The following SCHIP1 variants were observed in gnomAD, a reference collection of about 807,000 sequenced individuals.
SCHIP1 encodes the protein schwannomin-interacting protein 1.
SCHIP1 carries 8 observed loss-of-function variants against 29.7 expected under a neutral mutation model. The observed-to-expected ratio is 0.27, with a 90% CI of 0.16 to 0.49. SCHIP1 has a LOEUF of 0.49. Ranked by LOEUF, SCHIP1 falls within the 20% of genes least tolerant of loss-of-function variation. The probability of loss-of-function intolerance (pLI) is 0.99; values close to 1 mark genes in which losing one functional copy is unlikely to be tolerated. For missense variants in SCHIP1, 193 were observed against 294.6 expected (o/e 0.66, Z 2.52); for synonymous variants, 76 against 94.9 (o/e 0.80, Z 1.16).
the SCHIP1 span, among the ~76,000 whole-genome samples, chr3:159,439,326 C>T: frequency 6.6e-6 from 1 of 152,126 alleles, no homozygotes; most frequent in East Asian, 1.9e-4. Context: ...AACTTACAAT[C>T]ATGGCAGAAG....
chr3:159,391,328 T>A, the SCHIP1 span, among the ~76,000 whole-genome samples: 1 of 152,336 alleles, frequency 6.6e-6, no homozygotes, highest in African/African-American at 2.4e-5. Context: ...GTTCAGGGTC[T>A]TCTTTTCTTG....
At chr3:159,769,196 C>T in the SCHIP1 span, among the ~76,000 whole-genome samples, 1 of 143,904 alleles carries the variant, frequency 6.9e-6, no homozygotes, top group South Asian at 2.3e-4. Context: ...TCGGCTTTCT[C>T]TCTTCTGCTT....
intron 2 of SCHIP1, among the ~76,000 whole-genome samples, chr3:159,882,021 T>C (rs1372022593): frequency 6.6e-6 from 1 of 152,216 alleles, no homozygotes; most frequent in Non-Finnish European, 1.5e-5. Context: ...GAAACTGGAA[T>C]ACCATCACTT....
chr3:159,607,927 G>A, the SCHIP1 span, among the ~76,000 whole-genome samples: 1 of 152,198 alleles, frequency 6.6e-6, no homozygotes, highest in African/African-American at 2.4e-5. Context: ...TTAGCATGAA[G>A]CACGGGAAGT....
chr3:159,466,258 G>A, the SCHIP1 span, among the ~76,000 whole-genome samples: 1 of 151,998 alleles, frequency 6.6e-6, no homozygotes, highest in African/African-American at 2.4e-5. Context: ...AGGGGAGGTG[G>A]GAAGATCATG....
chr3:159,747,054 G>A, the SCHIP1 span, among the ~76,000 whole-genome samples: 729 of 152,258 alleles, frequency 4.8e-3, 11 homozygotes, highest in Admixed American at 0.023. Context: ...TATGGGCCAT[G>A]AACTCTTTGA....
the SCHIP1 span, among the ~76,000 whole-genome samples, chr3:159,753,237 A>G: frequency 6.6e-6 from 1 of 152,196 alleles, no homozygotes; most frequent in East Asian, 1.9e-4. Flanking sequence ...CCATCTTTAT[A>G]TCTTCAGCCC....
chr3:159,361,184 G>T, the SCHIP1 span, among the ~76,000 whole-genome samples: 1 of 152,198 alleles, frequency 6.6e-6, no homozygotes, highest in Non-Finnish European at 1.5e-5. Flanking sequence ...AAGGATGATT[G>T]ATATGCAAAA....
the SCHIP1 span, among the ~76,000 whole-genome samples, chr3:159,751,743 T>C: frequency 1.3e-5 from 2 of 152,026 alleles, no homozygotes; most frequent in Non-Finnish European, 2.9e-5. Flanking sequence ...AGATGGGGTT[T>C]CACAGTGTTA....
At chr3:159,538,848 TTATTGGATGCTTCATATTA>T in the SCHIP1 span, among the ~76,000 whole-genome samples, 1 of 152,170 alleles carries the variant, frequency 6.6e-6, no homozygotes, top group African/African-American at 2.4e-5. Flanking sequence ...TTGGAATGGC[TTATTGGATGCTTCATATTA>T]TATTTGTCTT....
intron 2 of SCHIP1, among the ~76,000 whole-genome samples, chr3:159,885,831 G>A (rs1429453294): frequency 1.3e-5 from 2 of 152,218 alleles, no homozygotes; most frequent in Non-Finnish European, 2.9e-5. Flanking sequence ...CCCCTGGGAC[G>A]GGTTCTCTAG....
the SCHIP1 span, chr3:159,764,323 G>A: frequency 6.4e-6 from 8 of 1,240,626 alleles, no homozygotes; most frequent in African/African-American, 1.2e-4. The surrounding 1 kb of genome is among the most constrained non-coding windows in gnomAD (Gnocchi z 6.1). Flanking sequence ...CTCCTTGGGG[G>A]ACGCACCTCT....
At chr3:159,304,078 G>T in the SCHIP1 span, among the ~76,000 whole-genome samples, 1 of 141,092 alleles carries the variant, frequency 7.1e-6, no homozygotes, top group Non-Finnish European at 1.5e-5. Context: ...TGATCTCATT[G>T]TTCAGTTCCC....
the SCHIP1 span, among the ~76,000 whole-genome samples, chr3:159,499,014 T>C: frequency 1.3e-5 from 2 of 152,306 alleles, no homozygotes; most frequent in South Asian, 4.1e-4. Flanking sequence ...CTGGGCAGCT[T>C]GTATAGCTCA....
At chr3:159,380,378 T>C in the SCHIP1 span, among the ~76,000 whole-genome samples, 695 of 152,286 alleles carry the variant, frequency 4.6e-3, 9 homozygotes, top group African/African-American at 0.015. Context: ...ATAGTTTCAA[T>C]TTATGTGTTT....
At chr3:159,609,215 T>C in the SCHIP1 span, among the ~76,000 whole-genome samples, 6 of 152,114 alleles carry the variant, frequency 3.9e-5, no homozygotes, top group Non-Finnish European at 7.4e-5. Flanking sequence ...GCTATTCTAG[T>C]CGATCCTTTA....
At chr3:159,493,460 G>T in the SCHIP1 span, among the ~76,000 whole-genome samples, 15 of 151,972 alleles carry the variant, frequency 9.9e-5, no homozygotes, top group East Asian at 1.6e-3. Flanking sequence ...TCCTAGTCTT[G>T]GATAAAACAG....
At chr3:159,434,832 T>G in the SCHIP1 span, among the ~76,000 whole-genome samples, 1 of 152,276 alleles carries the variant, frequency 6.6e-6, no homozygotes, top group East Asian at 1.9e-4. Flanking sequence ...CTTACTCTTC[T>G]TGTTTCCCAT....
At chr3:159,597,675 G>A in the SCHIP1 span, among the ~76,000 whole-genome samples, 7 of 151,950 alleles carry the variant, frequency 4.6e-5, no homozygotes, top group South Asian at 2.1e-4. Flanking sequence ...ATCCATTCAC[G>A]CATTGATGGA....
Sources: allele counts gnomAD v4.1 joint callset (sites outside exome capture counted in the v4.1 genomes callset), GRCh38; gene constraint gnomAD v4.1.1; non-coding constraint Gnocchi (gnomAD v3.1); transcripts MANE v1.5; gene names NCBI Gene and HGNC (gene_info 2026-07-23, HGNC 2026-07-21).